The following BCL9 variants were observed in gnomAD, a reference collection of about 807,000 sequenced individuals.
BCL9 encodes B-cell CLL/lymphoma 9 protein.
A neutral mutation model predicts 88.5 loss-of-function variants in BCL9; 25 were observed. The observed-to-expected ratio is 0.28, with a 90% CI of 0.21 to 0.39. BCL9 has a LOEUF of 0.39. BCL9 is among the 10% of genes least tolerant of loss of function. The probability of loss-of-function intolerance (pLI) is 1.00; values close to 1 mark genes in which losing one functional copy is unlikely to be tolerated. For missense variants in BCL9, 1,817 were observed against 1,877.8 expected (o/e 0.97, Z 0.60); for synonymous variants, 711 against 673.3 (o/e 1.06, Z -0.87).
chr1:147,611,550 A>G (rs1472902021), intron 3 of BCL9, 28 bp from the exon 4 acceptor site: 1 of 464,174 alleles, frequency 2.2e-6, no homozygotes, highest in Non-Finnish European at 3.9e-6. Flanking sequence ...TTTGCTCCCA[A>G]CTTTTTTTGG....
intron 1 of BCL9, among the ~76,000 whole-genome samples, chr1:147,570,119 T>C (rs944510736): frequency 6.6e-6 from 1 of 152,214 alleles, no homozygotes; most frequent in Non-Finnish European, 1.5e-5. Flanking sequence ...GTGTTAAATA[T>C]TGTGTTTAAC....
In BCL9 at chr1:147,618,959, C is replaced by G; in HGVS notation, c.804C>G (p.Ala268=). The G allele has an allele frequency of 6.2e-7, 1 of 1,613,848 alleles. No homozygotes were observed. Residue 268 remains alanine (A), a synonymous_variant, in exon 8 of 10, where the codon GCC becomes GCG. Transcript: ENST00000234739. ...TTCCGGCACCAGCACCCAAGCCTGC[C>G]GCACCCCCACGTCCCCTGGACCGGG... ...PPIPAPAPKP[A]APPRPLDRES...
chr1:147,548,979 C>CTTTTTTTTTTTTTTTT (rs72473603), intron 1 of BCL9, among the ~76,000 whole-genome samples: 43 of 111,318 alleles, frequency 3.9e-4, no homozygotes, highest in East Asian at 5.3e-4. Flanking sequence ...TTCTTTCTTT[C>CTTTTTTTTTTTTTTTT]TTTTTTTTTT....
intron 1 of BCL9, among the ~76,000 whole-genome samples, chr1:147,599,066 C>G (rs1243405724): frequency 6.6e-6 from 1 of 152,242 alleles, no homozygotes; most frequent in Non-Finnish European, 1.5e-5. Flanking sequence ...GGAGCTAGCC[C>G]GGCTGTGAAG....
chr1:147,542,261 G>T (rs1553193882), intron 1 of BCL9, among the ~76,000 whole-genome samples: 1 of 152,198 alleles, frequency 6.6e-6, no homozygotes, highest in Non-Finnish European at 1.5e-5. Context: ...GAGGAGGAGC[G>T]GCATGGCAGG....
At chr1:147,593,919 C>T (rs1033790019) in intron 1 of BCL9, among the ~76,000 whole-genome samples, 2 of 152,148 alleles carry the variant, frequency 1.3e-5, no homozygotes, top group Admixed American at 6.5e-5. Context: ...ATTATAAAAA[C>T]ATCTACCACT....
At chr1:147,622,192 G>A (rs1363489228) in intron 8 of BCL9, 79 bp from the exon 9 acceptor site, 9 of 1,559,722 alleles carry the variant, frequency 5.8e-6, no homozygotes, top group Non-Finnish European at 7.9e-6. Context: ...GGCCTTGCTA[G>A]TTCATAATCA....
intron 5 of BCL9, among the ~76,000 whole-genome samples, chr1:147,613,667 C>T (rs1326282016): frequency 6.6e-6 from 1 of 152,136 alleles, no homozygotes; most frequent in African/African-American, 2.4e-5. Flanking sequence ...AAGAGGAAGC[C>T]TTAATGGCCC....
Position 147,624,354 on chromosome 1 carries a change from C to T in BCL9, c.3676C>T (p.Pro1226Ser). 1.2e-6 allele frequency: 2 copies of T among 1,614,188 alleles called. No homozygotes were observed. Among genetic ancestry groups the T allele is most frequent in the South Asian group, 2.2e-5 (2 of 91,074 alleles). ...CCCAGATCTGCAGGAGGTCATCCGA[C>T]CTGGAGCCACCGGAATACCTGAGTT... is the stretch of plus-strand genomic sequence containing the variant. Reference protein sequence around the residue: ...TDPDLQEVIRPGATGIPEFDL... With the variant: ...TDPDLQEVIRSGATGIPEFDL... The change falls in exon 10 of 10, where the codon CCT becomes TCT. Residue 1226 changes from proline to serine, a missense_variant. Physicochemically the swap from Pro to Ser is moderately conservative, Grantham distance 74. Around this residue, in one of 2 missense-constraint regions of BCL9, gnomAD observed 589 missense variants for 686.2 expected, o/e 0.86. Coordinates refer to ENST00000234739, the MANE Select transcript of BCL9 (RefSeq NM_004326.4). This position sits in a 1 kb window ranked among gnomAD's most constrained non-coding sequence, Gnocchi z 4.4.
chr1:147,611,195 G>C lies in BCL9; in HGVS notation c.-259-383G>C, dbSNP rs148686816. On this transcript the variant is annotated intron_variant, in intron 3 of 9. Coordinates refer to ENST00000234739, the MANE Select transcript of BCL9 (RefSeq NM_004326.4). ...CACCAGATAGTCACTATGGATCTGC[G>C]GTACCTAGGGGTTTCAAAGCATTGT... Among the ~76,000 whole-genome samples the C allele has an allele frequency of 3.3e-3, 502 of 152,202 alleles. 1 individual carries two copies. Among genetic ancestry groups the C allele is most frequent in the African/African-American group, 0.011 (469 of 41,512 alleles).
intron 7 of BCL9, among the ~76,000 whole-genome samples, chr1:147,616,942 G>A (rs1658312254): frequency 6.6e-6 from 1 of 152,088 alleles, no homozygotes; most frequent in Non-Finnish European, 1.5e-5. Flanking sequence ...TCTAATACTG[G>A]GATGAGTCTT....
chr1:147,586,598 T>G (rs1341384249), intron 1 of BCL9, among the ~76,000 whole-genome samples: 2 of 152,182 alleles, frequency 1.3e-5, no homozygotes, highest in Non-Finnish European at 2.9e-5. Flanking sequence ...TTGGCGGGTC[T>G]GCTCCGGGGC....
In BCL9 at chr1:147,625,155, T is replaced by C. The variant is rs587635008; in HGVS notation, c.*196T>C. On this transcript the variant is annotated 3_prime_UTR_variant, in exon 10 of 10. Transcript: ENST00000234739. ...ACAAATTATTCATTTAATCAACAGG[T>C]GTGTTTTTTTTAAGATTTATTTTTT... 21 of 627,150 alleles carry C rather than the reference T, an allele frequency of 3.3e-5. No individual in the cohort carries two copies. Among genetic ancestry groups the C allele is most frequent in the Middle Eastern group, 4.6e-4 (1 of 2,190 alleles). 38.8% of individuals were successfully genotyped at this position (627,150 alleles called of 1,614,324 possible).
At chr1:147,587,756 C>CTGTGTGTGTG (rs3045400) in intron 1 of BCL9, among the ~76,000 whole-genome samples, 7 of 141,888 alleles carry the variant, frequency 4.9e-5, no homozygotes, top group African/African-American at 1.8e-4. Flanking sequence ...GTAGTGAGGC[C>CTGTGTGTGTG]TGTGTGTGTG....
chr1:147,609,414 G>T (rs1011303402), intron 3 of BCL9, among the ~76,000 whole-genome samples: 5 of 152,140 alleles, frequency 3.3e-5, no homozygotes, highest in Non-Finnish European at 7.4e-5. Context: ...TTCAACCTCT[G>T]TGCTGTCTCT....
chr1:147,570,019 T>C (rs1655804497), intron 1 of BCL9, among the ~76,000 whole-genome samples: 1 of 152,244 alleles, frequency 6.6e-6, no homozygotes, highest in African/African-American at 2.4e-5. Context: ...GTGGGACATC[T>C]TGATGGTGAT....
intron 3 of BCL9, 37 bp downstream of exon 3, chr1:147,606,903 G>A (rs1296105221): frequency 1.3e-5 from 2 of 152,516 alleles, no homozygotes; most frequent in South Asian, 2.1e-4. Flanking sequence ...TGGAGCACAC[G>A]CCTGGCTTAG....
intron 1 of BCL9, among the ~76,000 whole-genome samples, chr1:147,555,506 G>A (rs782098826): frequency 2.7e-4 from 41 of 152,172 alleles, no homozygotes; most frequent in Admixed American, 1.8e-3. Flanking sequence ...AATAACTAAC[G>A]ATTTAGTTGA....
In BCL9 at chr1:147,619,311, G is replaced by C. The variant is rs937350546; in HGVS notation, c.1156G>C (p.Gly386Arg). The C allele has an allele frequency of 6.2e-7, 1 of 1,614,070 alleles. No homozygotes were observed. Among genetic ancestry groups the C allele is most frequent in the Non-Finnish European group, 8.5e-7 (1 of 1,180,014 alleles). The change falls in exon 8 of 10, where the codon GGG becomes CGG. Residue 386 changes from glycine (G) to arginine (R), a missense_variant. Coordinates refer to ENST00000234739, the MANE Select transcript of BCL9 (RefSeq NM_004326.4). This position sits in a 1 kb window ranked among gnomAD's most constrained non-coding sequence, Gnocchi z 4.1. ...GAAAGAATTCACAGGAGCACAAAGT[G>C]GGGGACCGCAGCAGAATCCTGGGGT... Reference protein sequence around the residue: ...DEKEFTGAQSGGPQQNPGVLD... With the variant: ...DEKEFTGAQSRGPQQNPGVLD...
Sources: allele counts gnomAD v4.1 joint callset (sites outside exome capture counted in the v4.1 genomes callset), GRCh38; gene constraint gnomAD v4.1.1; regional missense constraint gnomAD v4.1.1; non-coding constraint Gnocchi (gnomAD v3.1); transcripts MANE v1.5; gene names NCBI Gene and HGNC (gene_info 2026-07-23, HGNC 2026-07-21).